PCCA: variants seen among roughly 807,000 people sequenced by gnomAD.
PCCA encodes propionyl-CoA carboxylase alpha chain, mitochondrial.
PCCA carries 74 observed loss-of-function variants against 101.3 expected under a neutral mutation model. The observed-to-expected ratio is 0.73, with a 90% CI of 0.61 to 0.89. The LOEUF is 0.89. Among genes scored for constraint, PCCA ranks in the 40% least tolerant of loss-of-function variants. The probability of loss-of-function intolerance (pLI) is 0.00; values close to 1 mark genes in which losing one functional copy is unlikely to be tolerated. For synonymous variants in PCCA, 294 were observed against 313.6 expected, an observed-to-expected ratio of 0.94 and a Z score of 0.66; for missense variants, 891 against 907.0, an observed-to-expected ratio of 0.98 and a Z score of 0.23.
intron 6 of PCCA, among the ~76,000 whole-genome samples, chr13:100,201,401 A>G (rs1044576858): frequency 6.6e-6 from 1 of 151,902 alleles, no homozygotes; most frequent in Non-Finnish European, 1.5e-5. Flanking sequence ...TCTTATTCTT[A>G]TAGTGAGAAA....
chr13:100,298,164 G>T (rs1422317021), intron 12 of PCCA, among the ~76,000 whole-genome samples: 1 of 152,126 alleles, frequency 6.6e-6, no homozygotes, highest in Non-Finnish European at 1.5e-5. Flanking sequence ...AAATATTTGT[G>T]TGGTAAGGAT....
rs1364004852 is a variant in PCCA, at chr13:100,491,567, G to A, written c.1900-23860G>A. 4.0e-6 allele frequency: 3 copies of A among 752,458 alleles called. No homozygotes were observed. In the African/African-American group the frequency reaches 5.5e-5, roughly 14 times the overall value. 46.6% of individuals were successfully genotyped at this position (752,458 alleles called of 1,614,324 possible). A position where few individuals can be genotyped will look rare whatever the true frequency, so the allele number is the denominator to read the frequency against. ...AAGTACTGACTCACTGCAAACAGCT[G>A]CAAAATGTTGCCCTTGGGATAGAGG... On this transcript the variant is annotated intron_variant, in intron 21 of 23. Transcript: ENST00000376285.
chr13:100,124,303 C>T (rs545844508), intron 4 of PCCA, among the ~76,000 whole-genome samples: 3 of 152,108 alleles, frequency 2.0e-5, no homozygotes, highest in Non-Finnish European at 2.9e-5. Context: ...CCTATCTATA[C>T]ATATTTTGTT....
rs2066057459 is a variant in PCCA, at chr13:100,301,538, C to T, written c.1144C>T (p.Leu382Phe). ...GATCCGTGTTGCTAAGGGCTACCCT[C>T]TCAGGCACAAACAAGCTGATATTCG... ...EMIRVAKGYP[L>F]RHKQADIRIN... is the part of the protein sequence containing the mutation. The change falls in exon 13 of 24, where the codon CTC becomes TTC. Residue 382 changes from leucine to phenylalanine, a missense_variant. By Grantham distance (22) the Leu-to-Phe change is conservative. Transcript: ENST00000376285. 1 of 1,613,968 alleles carries T rather than the reference C, an allele frequency of 6.2e-7. No homozygotes were observed. The highest frequency in any genetic ancestry group is 1.7e-5 in the Admixed American group (1 of 60,004).
At chr13:100,234,103 C>T (rs1303443712) in intron 7 of PCCA, among the ~76,000 whole-genome samples, 1 of 152,100 alleles carries the variant, frequency 6.6e-6, no homozygotes, top group Non-Finnish European at 1.5e-5. Context: ...TATTATAATC[C>T]AGTCTTCATC....
rs192730601 is a variant in PCCA, at chr13:100,435,505, C to G, written c.1845+9774C>G. Among the ~76,000 whole-genome samples the G allele has an allele frequency of 3.3e-5, 5 of 152,252 alleles. 1 individual carries two copies. Among genetic ancestry groups the G allele is most frequent in the African/African-American group, 1.2e-4 (5 of 41,544 alleles). On this transcript the variant is annotated intron_variant, in intron 20 of 23. Coordinates refer to ENST00000376285, the MANE Select transcript of PCCA (RefSeq NM_000282.4). Reference sequence around the variant, plus strand: ...TACCTTTGCTTCAGGAATTAGCTCCCGATTCATCCAGTCCGATCACGTGTA... The same window carrying G: ...TACCTTTGCTTCAGGAATTAGCTCCGGATTCATCCAGTCCGATCACGTGTA...
At chr13:100,152,646 C>T (rs2053475680) in intron 4 of PCCA, among the ~76,000 whole-genome samples, 1 of 152,034 alleles carries the variant, frequency 6.6e-6, no homozygotes, top group Non-Finnish European at 1.5e-5. Flanking sequence ...CGGGGTTTCA[C>T]CATGTTAGCC....
intron 21 of PCCA, among the ~76,000 whole-genome samples, chr13:100,489,079 G>A (rs983028879): frequency 2.0e-5 from 3 of 152,248 alleles, no homozygotes; most frequent in Middle Eastern, 3.4e-3. Flanking sequence ...GCCGAGGCAG[G>A]CGGATCACCA....
chr13:100,240,641 C>T (rs146440284), intron 8 of PCCA, among the ~76,000 whole-genome samples: 20 of 152,074 alleles, frequency 1.3e-4, no homozygotes, highest in Middle Eastern at 3.4e-3. Flanking sequence ...TTCAATCATA[C>T]GGCATTTTGA....
chr13:100,500,865 T>C (rs1200430662), intron 21 of PCCA, among the ~76,000 whole-genome samples: 2 of 152,236 alleles, frequency 1.3e-5, no homozygotes, highest in South Asian at 4.1e-4. Context: ...TTTCTTTAGC[T>C]GGGCGCAGTG....
intron 19 of PCCA, among the ~76,000 whole-genome samples, chr13:100,378,168 A>G (rs2076034590): frequency 6.6e-6 from 1 of 152,082 alleles, no homozygotes; most frequent in Non-Finnish European, 1.5e-5. Flanking sequence ...GAAAGACTTT[A>G]TTTCTCCTTC....
chr13:100,335,615 C>T (rs2152743731), intron 17 of PCCA, among the ~76,000 whole-genome samples: 1 of 152,338 alleles, frequency 6.6e-6, no homozygotes, highest in African/African-American at 2.4e-5. Context: ...TTTCCCTCAT[C>T]CTGGTGTAAG....
chr13:100,321,870 A>G (rs902926656), intron 16 of PCCA, among the ~76,000 whole-genome samples: 12 of 152,076 alleles, frequency 7.9e-5, no homozygotes, highest in Non-Finnish European at 1.2e-4. Context: ...AGGATTTTCC[A>G]TATGGTTGTG....
At chr13:100,096,672 C>G (rs1456643131) in intron 1 of PCCA, among the ~76,000 whole-genome samples, 1 of 152,176 alleles carries the variant, frequency 6.6e-6, no homozygotes, top group Non-Finnish European at 1.5e-5. Flanking sequence ...ATTAGAAGTG[C>G]TACTCCAGTG....
intron 16 of PCCA, among the ~76,000 whole-genome samples, chr13:100,325,220 G>A (rs752127123): frequency 2.0e-5 from 3 of 152,122 alleles, no homozygotes; most frequent in African/African-American, 4.8e-5. Context: ...CAGCTTTTAT[G>A]TGGGTACAGG....
At chr13:100,143,102 G>A (rs564139211) in intron 4 of PCCA, among the ~76,000 whole-genome samples, 7 of 152,164 alleles carry the variant, frequency 4.6e-5, no homozygotes, top group Non-Finnish European at 1.0e-4. Context: ...GTGTTTATCT[G>A]AGTGTGGTTC....
At chr13:100,508,197 A>T (rs1417733630) in intron 21 of PCCA, among the ~76,000 whole-genome samples, 1 of 152,184 alleles carries the variant, frequency 6.6e-6, no homozygotes, top group Admixed American at 6.5e-5. Context: ...GTTGATGATT[A>T]GCCTTAAGAT....
chr13:100,440,779 A>G (rs1007142585), intron 20 of PCCA, among the ~76,000 whole-genome samples: 2 of 152,084 alleles, frequency 1.3e-5, no homozygotes, highest in Non-Finnish European at 2.9e-5. Flanking sequence ...TATAGGATAT[A>G]TAAATATATA....
intron 16 of PCCA, among the ~76,000 whole-genome samples, chr13:100,316,907 G>A (rs1006979412): frequency 6.6e-6 from 1 of 151,858 alleles, no homozygotes; most frequent in African/African-American, 2.4e-5. Flanking sequence ...CTGAGTAGCT[G>A]GGACTACAGG....
Sources: allele counts gnomAD v4.1 joint callset (sites outside exome capture counted in the v4.1 genomes callset), GRCh38; gene constraint gnomAD v4.1.1; transcripts MANE v1.5; gene names NCBI Gene and HGNC (gene_info 2026-07-23, HGNC 2026-07-21).